Variants in OPRM1 observed in about 807,000 individuals in gnomAD.
The protein encoded by OPRM1 is opioid receptor mu 1.
Under a neutral mutation model 31.8 loss-of-function variants are expected in OPRM1, and 27 were observed. The observed-to-expected ratio is 0.85, with a 90% confidence interval of 0.63 to 1.17. The LOEUF is 1.17. Ranked by LOEUF, OPRM1 falls within the 50% of genes most tolerant of loss-of-function variation. The probability of loss-of-function intolerance (pLI) is 0.00; values close to 1 mark genes in which losing one functional copy is unlikely to be tolerated. For missense variants in OPRM1, 536 were observed against 511.1 expected (o/e 1.05, Z -0.47); for synonymous variants, 196 against 189.9 (o/e 1.03, Z -0.26).
chr6:154,030,453 A>G (rs1207009563), intron 1 of OPRM1, among the ~76,000 whole-genome samples: 2 of 152,212 alleles, frequency 1.3e-5, no homozygotes, highest in African/African-American at 4.8e-5. Context: ...TCAAAGCATC[A>G]ATTTACCTTA....
intron 3 of OPRM1, among the ~76,000 whole-genome samples, chr6:154,095,167 T>C (rs1241396489): frequency 6.6e-6 from 1 of 152,194 alleles, no homozygotes; most frequent in African/African-American, 2.4e-5. Flanking sequence ...GGCACATACC[T>C]GTAATTCCAG....
At chr6:154,077,297 T>C (rs1180042790) in intron 1 of OPRM1, among the ~76,000 whole-genome samples, 1 of 151,946 alleles carries the variant, frequency 6.6e-6, no homozygotes, top group African/African-American at 2.4e-5. Context: ...TTTGTTTTGT[T>C]TTTAGAGACA....
At chr6:154,109,223 T>C (rs1271113816) in intron 3 of OPRM1, among the ~76,000 whole-genome samples, 1 of 152,194 alleles carries the variant, frequency 6.6e-6, no homozygotes, top group African/African-American at 2.4e-5. Flanking sequence ...GACAACACAG[T>C]TTCTTCATAT....
chr6:154,076,435 T>C (rs560595134), intron 1 of OPRM1, among the ~76,000 whole-genome samples: 1 of 152,308 alleles, frequency 6.6e-6, no homozygotes, highest in South Asian at 2.1e-4. Flanking sequence ...GCAGTACAAT[T>C]AACCCAGAAA....
At chr6:154,116,778 A>G (rs138905752) in intron 3 of OPRM1, among the ~76,000 whole-genome samples, 36 of 152,222 alleles carry the variant, frequency 2.4e-4, no homozygotes, top group African/African-American at 8.2e-4. Context: ...GCTCTAAGGC[A>G]TAACCTTTCT....
chr6:154,192,326 G>T (rs9397180), intron 3 of OPRM1, among the ~76,000 whole-genome samples: 58 of 54,590 alleles, frequency 1.1e-3, no homozygotes, highest in East Asian at 7.6e-3. Context: ...TACTGTGTGT[G>T]TGTGTGTGTG....
intron 3 of OPRM1, among the ~76,000 whole-genome samples, chr6:154,100,327 A>C (rs1208666307): frequency 6.6e-6 from 1 of 150,510 alleles, no homozygotes; most frequent in Admixed American, 6.7e-5. Flanking sequence ...ATGCAAGCCC[A>C]GTCATCCCCA....
intron 1 of OPRM1, among the ~76,000 whole-genome samples, chr6:154,088,087 T>TA (rs58000752): frequency 0.2 from 29,092 of 147,432 alleles, 3,298 homozygotes; most frequent in Non-Finnish European, 0.27. Context: ...GTGAATGGAT[T>TA]AAAAAAAAAA....
At chr6:154,244,996 G>C (rs535984621) in intron 3 of OPRM1, among the ~76,000 whole-genome samples, 4 of 152,178 alleles carry the variant, frequency 2.6e-5, no homozygotes, top group African/African-American at 9.6e-5. Flanking sequence ...CAAAACAAAG[G>C]CCTGAAATAA....
chr6:154,152,179 AAAAGAAAG>A (rs796485701), intron 3 of OPRM1, among the ~76,000 whole-genome samples: 4 of 145,738 alleles, frequency 2.7e-5, no homozygotes, highest in African/African-American at 8.2e-5. Flanking sequence ...ACAAAAAAAA[AAAAGAAAG>A]AGAGAGAGAG....
chr6:154,179,477 G>T (rs763031041), intron 3 of OPRM1, among the ~76,000 whole-genome samples: 4 of 152,128 alleles, frequency 2.6e-5, no homozygotes, highest in Non-Finnish European at 5.9e-5. Context: ...CATTGGAGAC[G>T]GGAGCCAAAT....
At chr6:154,229,834 C>G (rs1779584913) in intron 3 of OPRM1, among the ~76,000 whole-genome samples, 1 of 152,212 alleles carries the variant, frequency 6.6e-6, no homozygotes, top group African/African-American at 2.4e-5. Flanking sequence ...TGTCCATCAG[C>G]TACTAAATAG....
rs58655710 is a variant in OPRM1 at position 154,099,348 on chromosome 6, CGAGA to C, written c.1164+7893_1164+7896del. On this transcript the variant is annotated intron_variant, in intron 3 of 3. Coordinates refer to ENST00000330432, the MANE Select transcript of OPRM1 (RefSeq NM_000914.5). ...GGAAGGAAGGGAGGGAGGAAGAGAG[CGAGA>C]GAGAGAGAGAGAGAGAAAGAAAGAG... Among the ~76,000 whole-genome samples, 197 of 125,130 alleles carry C rather than the reference CGAGA, an allele frequency of 1.6e-3. 1 individual carries two copies. Among genetic ancestry groups the C allele is most frequent in the African/African-American group, 5.4e-3 (172 of 31,572 alleles). The allele number at this position is 125,130 out of a possible 152,430, so 82.1% of individuals were successfully genotyped here.
At chr6:154,211,419 A>G (rs1035415831) in intron 3 of OPRM1, among the ~76,000 whole-genome samples, 2 of 142,890 alleles carry the variant, frequency 1.4e-5, no homozygotes, top group Non-Finnish European at 3.1e-5. Context: ...AAAAACAAAG[A>G]AAAAAAAAAA....
chr6:154,099,468 G>A (rs866652951), intron 3 of OPRM1, among the ~76,000 whole-genome samples: 7 of 106,544 alleles, frequency 6.6e-5, no homozygotes, highest in African/African-American at 2.1e-4. Context: ...AAGAAAGAAA[G>A]AAAAAGAAAG....
intron 3 of OPRM1, among the ~76,000 whole-genome samples, chr6:154,162,395 C>T (rs1799098095): frequency 6.6e-6 from 1 of 152,218 alleles, no homozygotes; most frequent in African/African-American, 2.4e-5. Context: ...GGTTTGGCCC[C>T]CACCATTCAC....
intron 1 of OPRM1, among the ~76,000 whole-genome samples, chr6:154,069,701 C>T (rs917467631): frequency 6.6e-6 from 1 of 152,166 alleles, no homozygotes; most frequent in Non-Finnish European, 1.5e-5. Context: ...ATAAGGGTCT[C>T]ATTTTATTCT....
chr6:154,021,714 G>T (rs1778375891), intron 1 of OPRM1, among the ~76,000 whole-genome samples: 2 of 152,108 alleles, frequency 1.3e-5, no homozygotes, highest in African/African-American at 4.8e-5. Flanking sequence ...GGGAACTATT[G>T]TAAATGGGAT....
At chr6:154,244,259 T>C (rs1554819) in intron 3 of OPRM1, among the ~76,000 whole-genome samples, 129,238 of 151,852 alleles carry the variant, frequency 0.85, 55,912 homozygotes, top group African/African-American at 0.91. Context: ...CTTTTTTCCC[T>C]CACAGTAAAC....
Sources: gnomAD v4.1 joint callset for allele counts (sites outside exome capture counted in the v4.1 genomes callset) on GRCh38, gnomAD v4.1.1 for gene constraint, MANE v1.5 for transcripts, NCBI Gene and HGNC (gene_info 2026-07-23, HGNC 2026-07-21) for gene names.